TANC2: variants seen among roughly 807,000 people sequenced by gnomAD.
The protein encoded by TANC2 is protein TANC2.
A neutral mutation model predicts 210.5 loss-of-function variants in TANC2; 26 were observed. The ratio of observed to expected loss-of-function variants is 0.12; its 90% CI spans 0.09 to 0.17. The LOEUF (loss-of-function observed/expected upper bound fraction) is 0.17, where lower values mean the gene tolerates loss of function less well. Ranked by LOEUF, TANC2 falls within the 10% of genes least tolerant of loss-of-function variation. The pLI, the probability that TANC2 is intolerant of heterozygous loss-of-function variation, is 1.00. For missense variants in TANC2, 2,129 were observed against 2,608.9 expected, an observed-to-expected ratio of 0.82 and a Z score of 4.01; for synonymous variants, 931 against 967.1, an observed-to-expected ratio of 0.96 and a Z score of 0.69.
At chr17:63,092,145 T>C (rs2037221364) in intron 3 of TANC2, among the ~76,000 whole-genome samples, 1 of 152,202 alleles carries the variant, frequency 6.6e-6, no homozygotes, top group African/African-American at 2.4e-5. Context: ...CATCAGTTGA[T>C]GGACATTTGG....
At chr17:63,321,608 T>G (rs2146641210) in intron 11 of TANC2, among the ~76,000 whole-genome samples, 1 of 152,244 alleles carries the variant, frequency 6.6e-6, no homozygotes, top group Non-Finnish European at 1.5e-5. Context: ...AATCCTCCAG[T>G]CTTCTGACTG....
chr17:63,298,905 T>C (rs1036724828), intron 9 of TANC2, among the ~76,000 whole-genome samples: 4 of 152,148 alleles, frequency 2.6e-5, no homozygotes, highest in African/African-American at 4.8e-5. Context: ...TTTGTCCTAA[T>C]GCTCTTCCTC....
intron 11 of TANC2, among the ~76,000 whole-genome samples, chr17:63,335,904 T>C (rs1389872377): frequency 6.6e-6 from 1 of 152,076 alleles, no homozygotes; most frequent in Non-Finnish European, 1.5e-5. Flanking sequence ...TTTTGCAACA[T>C]TTCTGTAAGT....
intron 3 of TANC2, chr17:63,089,211 A>C (rs1159858529): frequency 1.3e-5 from 2 of 152,238 alleles, no homozygotes; most frequent in African/African-American, 4.8e-5. Context: ...TTCCAGGCAG[A>C]TGGAAGGGCC....
chr17:63,388,877 T>A, intron 16 of TANC2, 120 bp downstream of exon 16: 1 of 706,668 alleles, frequency 1.4e-6, no homozygotes, highest in Non-Finnish European at 2.1e-6. Flanking sequence ...AGCCTTTTAT[T>A]GATAATTTAA....
chr17:63,348,421 G>A (rs2146854890), intron 12 of TANC2, among the ~76,000 whole-genome samples: 1 of 152,322 alleles, frequency 6.6e-6, no homozygotes, highest in African/African-American at 2.4e-5. Context: ...GGATTTTAAA[G>A]GGCTTGGGAA....
rs753510425 is a variant in TANC2 at position 63,238,087 on chromosome 17, T to C, written c.1033+10T>C. ...CCAAATTCAGTAGCAGGTAAGTTTTTGTTGTTGTTGTTGTTGTTGCTGTTG... is the reference window on the plus strand; with the variant it reads ...CCAAATTCAGTAGCAGGTAAGTTTTCGTTGTTGTTGTTGTTGTTGCTGTTG... On this transcript the variant is annotated intron_variant, in intron 8 of 27. Coordinates refer to ENST00000689528, the Ensembl canonical transcript of TANC2. 17 of 1,495,170 alleles carry C rather than the reference T, an allele frequency of 1.1e-5. No individual in the cohort carries two copies. The East Asian group carries it at 4.3e-4, about 38-fold the overall frequency. 92.6% of individuals were successfully genotyped at this position (1,495,170 alleles called of 1,614,324 possible). A position where few individuals can be genotyped will look rare whatever the true frequency, so the allele number is the denominator to read the frequency against.
At chr17:63,032,420 A>G (rs1312444809) in intron 2 of TANC2, among the ~76,000 whole-genome samples, 1 of 152,012 alleles carries the variant, frequency 6.6e-6, no homozygotes, top group East Asian at 1.9e-4. Context: ...TGGGAGTGAG[A>G]GTTTTTAAAG....
At chr17:62,999,565 C>T (rs984752221) in intron 1 of TANC2, among the ~76,000 whole-genome samples, 2 of 151,888 alleles carry the variant, frequency 1.3e-5, no homozygotes, top group African/African-American at 2.4e-5. Context: ...TACTTAGAGA[C>T]TTAGATAACC....
rs115199216 is a variant in TANC2 at position 63,343,055 on chromosome 17, A to G, written c.1807+2723A>G. 7.6e-3 allele frequency among the ~76,000 whole-genome samples: 1,158 copies of G among 152,366 alleles called. 14 individuals are homozygous for G. The highest frequency in any genetic ancestry group is 0.025 in the African/African-American group (1,056 of 41,586). ...TTATTAGAGTGACCCAAAAGAACTC[A>G]AGAAATAAAGAAGAATATTTTTTTT... On this transcript the variant is annotated intron_variant, in intron 12 of 27. Coordinates refer to ENST00000689528, the Ensembl canonical transcript of TANC2.
Position 63,418,321 on chromosome 17 carries a change from G to A in TANC2, c.4182G>A (p.Ala1394=), listed in dbSNP as rs886746868. 5.6e-6 allele frequency: 9 copies of A among 1,613,178 alleles called. No homozygotes were observed. The highest frequency in any genetic ancestry group is 6.8e-6 in the Non-Finnish European group (8 of 1,179,658). Reference sequence around the variant, plus strand: ...TGTAATGACAGGATTTTGGAATGGCGGAGGAATTTGCTACTAAGGCCCTGG... The same window carrying A: ...TGTAATGACAGGATTTTGGAATGGCAGAGGAATTTGCTACTAAGGCCCTGG... Residue 1394 remains alanine, a synonymous_variant, in exon 27 of 28, where the codon GCG becomes GCA. Coordinates refer to ENST00000689528, the Ensembl canonical transcript of TANC2. This position sits in a 1 kb window ranked among gnomAD's most constrained non-coding sequence, Gnocchi z 4.6.
chr17:63,075,275 GA>G (rs1407070538), intron 3 of TANC2, among the ~76,000 whole-genome samples: 1 of 152,046 alleles, frequency 6.6e-6, no homozygotes, highest in Non-Finnish European at 1.5e-5. Flanking sequence ...ATAGATGTTT[GA>G]AATCACTTAT....
rs559769210 is a variant in TANC2, at chr17:63,277,754, T to A, written c.1159+9881T>A. On this transcript the variant is annotated intron_variant, in intron 9 of 27. Transcript: ENST00000689528. ...GGAACAGAGATAGTAAGATAATGTA[T>A]AAGAACATGCCAACACAATGCTTAA... 4.6e-5 allele frequency among the ~76,000 whole-genome samples: 7 copies of A among 151,536 alleles called. No homozygotes were observed. In the South Asian group the frequency reaches 1.5e-3, roughly 32 times the overall value.
At chr17:63,121,630 A>T (rs1189312834) in intron 4 of TANC2, among the ~76,000 whole-genome samples, 4 of 151,710 alleles carry the variant, frequency 2.6e-5, no homozygotes, top group Admixed American at 6.6e-5. Context: ...TTTTTATTTT[A>T]TAATAAAAAT....
At chr17:63,031,249 T>C (rs2034758912) in intron 2 of TANC2, among the ~76,000 whole-genome samples, 1 of 152,126 alleles carries the variant, frequency 6.6e-6, no homozygotes, top group African/African-American at 2.4e-5. Context: ...GACATAAATC[T>C]TTTTTGTACC....
chr17:63,351,445 AATG>A (rs778707706), intron 13 of TANC2, 29 bp downstream of exon 13: 16 of 1,537,312 alleles, frequency 1.0e-5, no homozygotes, highest in South Asian at 3.9e-5. Context: ...TTAAACCATA[AATG>A]ATTCCTCTTG....
At chr17:63,422,032 C>T (rs1799421576) in exon 28 of TANC2, 1 of 1,495,566 alleles carries the variant, frequency 6.7e-7, no homozygotes, top group Non-Finnish European at 9.0e-7. Context: ...CGAGGTAGTT[C>T]TCTGGCTTAA....
At chr17:63,071,453 A>C (rs2036394731) in intron 2 of TANC2, among the ~76,000 whole-genome samples, 1 of 152,094 alleles carries the variant, frequency 6.6e-6, no homozygotes, top group Admixed American at 6.5e-5. Context: ...CATTTTGCTC[A>C]GCCCTAGAAT....
intron 7 of TANC2, among the ~76,000 whole-genome samples, chr17:63,229,192 G>T (rs932885135): frequency 4.6e-5 from 7 of 152,142 alleles, no homozygotes; most frequent in Non-Finnish European, 8.8e-5. Context: ...TGATCATGTG[G>T]TTTTTGTCTT....
Sources: gnomAD v4.1 joint callset for allele counts (sites outside exome capture counted in the v4.1 genomes callset) on GRCh38, gnomAD v4.1.1 for gene constraint, Gnocchi (gnomAD v3.1) non-coding constraint, MANE v1.5 for transcripts, NCBI Gene and HGNC (gene_info 2026-07-23, HGNC 2026-07-21) for gene names.